Variants in UNC5C observed in about 807,000 individuals in gnomAD.
The protein encoded by UNC5C is netrin receptor UNC5C.
A neutral mutation model predicts 99.8 loss-of-function variants in UNC5C; 47 were observed. The observed-to-expected ratio is 0.47, with a 90% CI of 0.37 to 0.60. The LOEUF (loss-of-function observed/expected upper bound fraction) is 0.60, where lower values mean the gene tolerates loss of function less well. Among genes scored for constraint, UNC5C ranks in the 20% least tolerant of loss-of-function variants. The pLI is 0.00. For missense variants in UNC5C, 1,062 were observed against 1,165.9 expected, an observed-to-expected ratio of 0.91 and a Z score of 1.30; for synonymous variants, 487 against 452.2, an observed-to-expected ratio of 1.08 and a Z score of -0.98.
chr4:95,332,541 C>T (rs1743157870), intron 2 of UNC5C, among the ~76,000 whole-genome samples: 1 of 151,656 alleles, frequency 6.6e-6, no homozygotes, highest in Non-Finnish European at 1.5e-5. Context: ...AAACTGGATC[C>T]CTTCCTTACA....
At chr4:95,402,044 A>G (rs1395562784) in intron 1 of UNC5C, among the ~76,000 whole-genome samples, 1 of 152,178 alleles carries the variant, frequency 6.6e-6, no homozygotes, top group Non-Finnish European at 1.5e-5. Context: ...TTCACATATC[A>G]ATTATCTAGT....
At chr4:95,472,988 G>A (rs374352771) in intron 1 of UNC5C, among the ~76,000 whole-genome samples, 1 of 151,824 alleles carries the variant, frequency 6.6e-6, no homozygotes, top group African/African-American at 2.4e-5. Context: ...ATGCTCCACT[G>A]AAATAAAAAG....
rs1168796792 is a variant in UNC5C at position 95,162,650 on chromosome 4, G to A, written c.*6584C>T. 6.6e-6 allele frequency: 1 copy of A among 152,106 alleles called. No individual in the cohort carries two copies. Among genetic ancestry groups the A allele is most frequent in the African/African-American group, 2.4e-5 (1 of 41,390 alleles). The allele number at this position is 152,106 out of a possible 1,614,324, so 9.4% of individuals were successfully genotyped here. The stretch of plus-strand genomic sequence containing the variant: ...GATTGGCAGCCAGGGAGAGAAAAGA[G>A]GCACACCCGGAGCTGGTATCCCTCA... On this transcript the variant is annotated 3_prime_UTR_variant, in exon 16 of 16. Coordinates refer to ENST00000453304, the MANE Select transcript of UNC5C (RefSeq NM_003728.4).
chr4:95,214,840 CTTCTT>C (rs574113577), intron 10 of UNC5C, among the ~76,000 whole-genome samples: 289 of 152,260 alleles, frequency 1.9e-3, no homozygotes, highest in African/African-American at 6.6e-3. Context: ...GTTTGCTGAT[CTTCTT>C]TTCTCCTGAT....
intron 1 of UNC5C, among the ~76,000 whole-genome samples, chr4:95,345,464 A>G (rs1743737056): frequency 6.6e-6 from 1 of 152,018 alleles, no homozygotes; most frequent in African/African-American, 2.4e-5. Context: ...TGGAAAACCA[A>G]CAAAGAAACA....
chr4:95,475,528 C>T (rs1286407465), intron 1 of UNC5C, among the ~76,000 whole-genome samples: 1 of 136,372 alleles, frequency 7.3e-6, no homozygotes, highest in Admixed American at 7.0e-5. Context: ...GAGAGAAAGA[C>T]AGACAGATAG....
At chr4:95,190,421 A>G (rs1737031003) in intron 12 of UNC5C, among the ~76,000 whole-genome samples, 2 of 152,194 alleles carry the variant, frequency 1.3e-5, no homozygotes, top group Non-Finnish European at 1.5e-5. Context: ...GCACACCAAC[A>G]TGGCACATGT....
At chr4:95,428,495 G>A (rs762805741) in intron 1 of UNC5C, among the ~76,000 whole-genome samples, 1 of 152,094 alleles carries the variant, frequency 6.6e-6, no homozygotes, top group African/African-American at 2.4e-5. Flanking sequence ...ATGGAAAGGG[G>A]CTCAATGAAT....
At position 95,394,017 on chromosome 4, in the gene UNC5C, T is replaced by C. The variant is rs1745437784; in HGVS notation, c.125-58386A>G. The stretch of plus-strand genomic sequence containing the variant: ...TAAGAAATGGAAAAACAAATGAAGA[T>C]GTATGGCTGGGTAGCTAAGGACATC... On this transcript the variant is annotated intron_variant, in intron 1 of 15. Coordinates refer to ENST00000453304, the MANE Select transcript of UNC5C (RefSeq NM_003728.4). Among the ~76,000 whole-genome samples, 2 of 152,170 alleles carry C rather than the reference T, an allele frequency of 1.3e-5. 1 individual carries two copies. The highest frequency in any genetic ancestry group is 4.1e-4 in the South Asian group (2 of 4,822).
chr4:95,221,471 G>T (rs565047513), intron 7 of UNC5C, among the ~76,000 whole-genome samples: 1 of 152,202 alleles, frequency 6.6e-6, no homozygotes, highest in Non-Finnish European at 1.5e-5. Flanking sequence ...TTTGCCAGTG[G>T]CTCATGAGAC....
At chr4:95,502,538 G>A (rs1041690731) in intron 1 of UNC5C, among the ~76,000 whole-genome samples, 2 of 152,142 alleles carry the variant, frequency 1.3e-5, no homozygotes, top group Admixed American at 1.3e-4. Context: ...CTCCCAAAGT[G>A]TTGAGATTAT....
intron 1 of UNC5C, among the ~76,000 whole-genome samples, chr4:95,482,216 C>T (rs1721179465): frequency 6.6e-6 from 1 of 151,420 alleles, no homozygotes; most frequent in African/African-American, 2.4e-5. Flanking sequence ...ACAGACACTT[C>T]TCAAAAGAAG....
intron 1 of UNC5C, among the ~76,000 whole-genome samples, chr4:95,353,040 C>T (rs533208725): frequency 6.6e-6 from 1 of 152,172 alleles, no homozygotes; most frequent in Non-Finnish European, 1.5e-5. Flanking sequence ...TTCTATTTTC[C>T]ATCAATATAG....
intron 1 of UNC5C, among the ~76,000 whole-genome samples, chr4:95,531,124 T>A (rs1414309726): frequency 2.0e-5 from 3 of 152,224 alleles, no homozygotes; most frequent in Admixed American, 6.5e-5. Flanking sequence ...CTAAGTTAAC[T>A]TGCATTAATG....
rs1721151005 is a variant in UNC5C, at chr4:95,481,453, C to T, written c.124+67281G>A. Among the ~76,000 whole-genome samples, 5 of 151,980 alleles carry T rather than the reference C, an allele frequency of 3.3e-5. No homozygotes were observed. In the South Asian group the frequency reaches 1.0e-3, roughly 32 times the overall value. On this transcript the variant is annotated intron_variant, in intron 1 of 15. Transcript: ENST00000453304. The stretch of plus-strand genomic sequence containing the variant: ...TACTGCCCAAGGTAATCTATAGATT[C>T]AATGCCATCCCCATCAAGCTACCAA...
At chr4:95,309,037 A>G (rs1170403293) in intron 2 of UNC5C, among the ~76,000 whole-genome samples, 2 of 152,160 alleles carry the variant, frequency 1.3e-5, no homozygotes, top group African/African-American at 4.8e-5. Flanking sequence ...CACATCTACT[A>G]TAAAGTTACA....
chr4:95,490,426 CT>C (rs1721452210), intron 1 of UNC5C, among the ~76,000 whole-genome samples: 1 of 151,648 alleles, frequency 6.6e-6, no homozygotes, highest in South Asian at 2.1e-4. Flanking sequence ...TAAAAAACCC[CT>C]ATGTTAATTT....
rs1738897853 is a variant in UNC5C, at chr4:95,231,171, C to T, written c.1109-10995G>A. On this transcript the variant is annotated intron_variant, in intron 7 of 15. Transcript: ENST00000453304. ...TCTGGGCATTAAAACCTTGTCTTTACATTAGTATCAGATACTTGGCCAAAA... is the reference window on the plus strand; with the variant it reads ...TCTGGGCATTAAAACCTTGTCTTTATATTAGTATCAGATACTTGGCCAAAA... 2.0e-5 allele frequency among the ~76,000 whole-genome samples: 3 copies of T among 152,184 alleles called. No homozygotes were observed. In the South Asian group the frequency reaches 6.2e-4, roughly 32 times the overall value.
At chr4:95,520,125 C>A (rs1339310752) in intron 1 of UNC5C, among the ~76,000 whole-genome samples, 1 of 152,172 alleles carries the variant, frequency 6.6e-6, no homozygotes, top group Non-Finnish European at 1.5e-5. Flanking sequence ...CCCAAGGTCA[C>A]AGAGCTTATC....
Sources: gnomAD v4.1 joint callset for allele counts (sites outside exome capture counted in the v4.1 genomes callset) on GRCh38, gnomAD v4.1.1 for gene constraint, MANE v1.5 for transcripts, NCBI Gene and HGNC (gene_info 2026-07-23, HGNC 2026-07-21) for gene names.